DCLK3: variants seen among roughly 807,000 people sequenced by gnomAD.
The protein encoded by DCLK3 is doublecortin like kinase 3.
Under a neutral mutation model 46.4 loss-of-function variants are expected in DCLK3, and 30 were observed. That is an observed-to-expected ratio of 0.65 (90% CI 0.48 to 0.88). The LOEUF (loss-of-function observed/expected upper bound fraction) is 0.88. Among genes scored for constraint, DCLK3 ranks in the 40% least tolerant of loss-of-function variants. The pLI is 0.00. For synonymous variants in DCLK3, 401 were observed against 339.2 expected (o/e 1.18, Z -2.00); for missense variants, 846 against 907.1 (o/e 0.93, Z 0.87).
At chr3:36,757,306 C>G (rs1701494629) in intron 1 of DCLK3, among the ~76,000 whole-genome samples, 1 of 152,072 alleles carries the variant, frequency 6.6e-6, no homozygotes, top group Non-Finnish European at 1.5e-5. Flanking sequence ...TCTACTCATT[C>G]CTCAAAGAAT....
intron 2 of DCLK3, among the ~76,000 whole-genome samples, chr3:36,736,180 T>C (rs528535156): frequency 5.3e-5 from 8 of 152,214 alleles, no homozygotes; most frequent in Non-Finnish European, 8.8e-5. Context: ...CATGATAATA[T>C]GTGGGCTGTG....
intron 4 of DCLK3, among the ~76,000 whole-genome samples, chr3:36,716,689 G>A (rs975492071): frequency 6.6e-6 from 1 of 152,232 alleles, no homozygotes; most frequent in African/African-American, 2.4e-5. Flanking sequence ...ATGTGGGCTT[G>A]GGCCATTTGG....
intron 2 of DCLK3, 111 bp from the exon 3 acceptor site, chr3:36,721,770 T>C (rs1559386865): frequency 6.8e-6 from 9 of 1,319,392 alleles, no homozygotes; most frequent in Middle Eastern, 2.0e-4. Flanking sequence ...TAAACCTATA[T>C]GAGATTACAG....
intron 1 of DCLK3, among the ~76,000 whole-genome samples, chr3:36,743,850 C>T (rs1701370802): frequency 6.6e-6 from 1 of 152,166 alleles, no homozygotes; most frequent in Non-Finnish European, 1.5e-5. Context: ...TCCACCTCCA[C>T]TCCCCCACCA....
rs746552234 is a variant in DCLK3 at position 36,721,507 on chromosome 3, G to C, written c.2092+20C>G. ...TTAGTAAGGGAACTAGAGTCCCACA[G>C]ATCGATGTGTAACACTTACCTTTCT... On this transcript the variant is annotated intron_variant, in intron 3 of 4. Transcript: ENST00000636136. 6.2e-7 allele frequency: 1 copy of C among 1,612,968 alleles called. No individual in the cohort carries two copies. The highest frequency in any genetic ancestry group is 8.5e-7 in the Non-Finnish European group (1 of 1,179,518).
At chr3:36,726,242 T>C (rs1701124195) in intron 2 of DCLK3, among the ~76,000 whole-genome samples, 1 of 152,028 alleles carries the variant, frequency 6.6e-6, no homozygotes, top group African/African-American at 2.4e-5. Context: ...CCAGCCTCCT[T>C]CCAAACTAGC....
intron 2 of DCLK3, among the ~76,000 whole-genome samples, chr3:36,734,070 A>C (rs1701230542): frequency 6.6e-6 from 1 of 152,228 alleles, no homozygotes; most frequent in African/African-American, 2.4e-5. Context: ...CAAGTGTAAA[A>C]CATTAAATTA....
intron 2 of DCLK3, among the ~76,000 whole-genome samples, chr3:36,736,698 G>A (rs1245857911): frequency 1.3e-5 from 2 of 152,192 alleles, no homozygotes; most frequent in Non-Finnish European, 2.9e-5. Context: ...AGAAAGCCAG[G>A]ATTCAAACCC....
chr3:36,764,110 G>A lies in DCLK3; in HGVS notation c.82+72C>T, dbSNP rs1229670337. The A allele has an allele frequency of 3.3e-6, 1 of 300,984 alleles. No individual in the cohort carries two copies. Among genetic ancestry groups the A allele is most frequent in the East Asian group, 4.9e-5 (1 of 20,256 alleles). 18.6% of individuals were successfully genotyped at this position (300,984 alleles called of 1,614,324 possible). The stretch of plus-strand genomic sequence containing the variant: ...CGCACGGAGCGGGGTCCAGAGTTAG[G>A]GCGAATGAGTCCTCCCGCCCCCGCC... On this transcript the variant is annotated intron_variant, in intron 1 of 4. Transcript: ENST00000636136. This position sits in a 1 kb window ranked among gnomAD's most constrained non-coding sequence, Gnocchi z 4.9.
chr3:36,718,182 G>A lies in DCLK3; in HGVS notation c.2093-5C>T, dbSNP rs777116260. The A allele has an allele frequency of 1.7e-5, 28 of 1,613,514 alleles. No individual in the cohort carries two copies. Among genetic ancestry groups the A allele is most frequent in the Admixed American group, 1.3e-4 (8 of 59,990 alleles). On this transcript the variant is annotated splice_region_variant and splice_polypyrimidine_tract_variant and intron_variant, in intron 3 of 4. Transcript: ENST00000636136. The stretch of plus-strand genomic sequence containing the variant: ...TGTCCACCTCCAGTCCATAACCTGC[G>A]CAGACAGAGGCAGAGACACAAGCAA...
At chr3:36,718,547 T>G (rs1210943532) in intron 3 of DCLK3, among the ~76,000 whole-genome samples, 1 of 152,244 alleles carries the variant, frequency 6.6e-6, no homozygotes, top group Non-Finnish European at 1.5e-5. Flanking sequence ...ATACATCAGT[T>G]CAGGCGTTGT....
chr3:36,763,690 G>A (rs1300964130), intron 1 of DCLK3, among the ~76,000 whole-genome samples: 1 of 152,232 alleles, frequency 6.6e-6, no homozygotes, highest in Non-Finnish European at 1.5e-5. Flanking sequence ...CGAGCTCTGT[G>A]GGCCTCAGTT....
intron 2 of DCLK3, among the ~76,000 whole-genome samples, chr3:36,731,241 G>A (rs559954502): frequency 6.6e-6 from 1 of 152,032 alleles, no homozygotes; most frequent in Non-Finnish European, 1.5e-5. Context: ...TCACCACCTA[G>A]TCATCCAATC....
At chr3:36,759,956 C>T (rs755713107) in intron 1 of DCLK3, among the ~76,000 whole-genome samples, 1 of 152,202 alleles carries the variant, frequency 6.6e-6, no homozygotes, top group Non-Finnish European at 1.5e-5. Flanking sequence ...CACACTGTGG[C>T]AGGGGCAGTG....
At chr3:36,735,586 C>T (rs1049039683) in intron 2 of DCLK3, among the ~76,000 whole-genome samples, 7 of 152,300 alleles carry the variant, frequency 4.6e-5, no homozygotes, top group Middle Eastern at 3.4e-3. Context: ...GCTGAGTTTA[C>T]AGCCATGGAA....
intron 2 of DCLK3, among the ~76,000 whole-genome samples, chr3:36,722,324 T>C (rs1701071017): frequency 6.6e-6 from 1 of 152,204 alleles, no homozygotes; most frequent in African/African-American, 2.4e-5. Flanking sequence ...GATAATTCAA[T>C]TGTACATTTT....
rs184692654 is a variant in DCLK3 at position 36,744,614 on chromosome 3, C to T, written c.83-5530G>A. On this transcript the variant is annotated intron_variant, in intron 1 of 4. Coordinates refer to ENST00000636136, the MANE Select transcript of DCLK3 (RefSeq NM_001394672.2). ...TACTTATTGCTGAGGATGTCCAGTG[C>T]ATTGCTCTGCCTAGAGTGAGCACTC... 9.8e-5 allele frequency among the ~76,000 whole-genome samples: 15 copies of T among 152,342 alleles called. No homozygotes were observed. The East Asian group carries it at 2.5e-3, about 25-fold the overall frequency.
intron 1 of DCLK3, among the ~76,000 whole-genome samples, chr3:36,763,902 G>T (rs1701560835): frequency 1.3e-5 from 2 of 152,212 alleles, no homozygotes; most frequent in Admixed American, 6.5e-5. Flanking sequence ...GGGCCCCCCT[G>T]CTGGCGAGGG....
At chr3:36,728,375 C>T (rs952047822) in intron 2 of DCLK3, among the ~76,000 whole-genome samples, 6 of 152,096 alleles carry the variant, frequency 3.9e-5, no homozygotes, top group East Asian at 1.9e-4. Context: ...GGTGGGGGGA[C>T]GGTGTCTGTT....
Sources: allele counts gnomAD v4.1 joint callset (sites outside exome capture counted in the v4.1 genomes callset), GRCh38; gene constraint gnomAD v4.1.1; non-coding constraint Gnocchi (gnomAD v3.1); transcripts MANE v1.5; gene names NCBI Gene and HGNC (gene_info 2026-07-23, HGNC 2026-07-21).